Variants in ZNF723 observed in about 807,000 individuals in gnomAD.
ZNF723 encodes the protein zinc finger protein 723, pseudogene.
Under a neutral mutation model 9.4 loss-of-function variants are expected in ZNF723, and 5 were observed. The ratio of observed to expected loss-of-function variants is 0.53; its 90% CI spans 0.28 to 1.12. The LOEUF (loss-of-function observed/expected upper bound fraction) is 1.12. ZNF723 is among the 50% of genes most tolerant of loss of function. ZNF723 has a pLI of 0.10. For synonymous variants in ZNF723, 158 were observed against 168.8 expected (o/e 0.94, Z 0.49); for missense variants, 450 against 501.5 (o/e 0.90, Z 0.98).
chr19:22,847,728 T>C (rs967636578), intron 1 of ZNF723, among the ~76,000 whole-genome samples: 1 of 152,190 alleles, frequency 6.6e-6, no homozygotes, highest in Non-Finnish European at 1.5e-5. Context: ...AAAAGTATCA[T>C]ATATACACTG....
At chr19:22,847,224 C>T (rs972565886) in intron 1 of ZNF723, among the ~76,000 whole-genome samples, 4 of 151,280 alleles carry the variant, frequency 2.6e-5, no homozygotes, top group Non-Finnish European at 4.4e-5. Context: ...TACAGGTGCC[C>T]ACCGCCATGC....
the ZNF723 span, among the ~76,000 whole-genome samples, chr19:22,817,706 T>C: frequency 6.6e-6 from 1 of 152,268 alleles, no homozygotes; most frequent in Admixed American, 6.5e-5. Flanking sequence ...ATAGGTATGA[T>C]TATGATTGAT....
At chr19:22,831,448 C>T (rs398121), upstream of ZNF723, among the ~76,000 whole-genome samples, 56,657 of 151,184 alleles carry the variant, frequency 0.37, 11,111 homozygotes, top group African/African-American at 0.52. Flanking sequence ...TCCAAGCTAC[C>T]CAGGAGGCTG....
chr19:22,813,555 CT>C, the ZNF723 span, among the ~76,000 whole-genome samples: 1 of 151,918 alleles, frequency 6.6e-6, no homozygotes, highest in South Asian at 2.1e-4. Flanking sequence ...TATTTGTTCC[CT>C]GCTCACATGG....
At chr19:22,817,985 C>T in the ZNF723 span, among the ~76,000 whole-genome samples, 26,226 of 152,122 alleles carry the variant, frequency 0.17, 2,642 homozygotes, top group African/African-American at 0.28. Flanking sequence ...GAATCTCACA[C>T]TCAGATGCAG....
chr19:22,836,077 G>A (rs546236198), intron 1 of ZNF723, among the ~76,000 whole-genome samples: 3 of 152,174 alleles, frequency 2.0e-5, no homozygotes, highest in African/African-American at 7.2e-5. Flanking sequence ...CATAAAAATT[G>A]AAGCTTGAGC....
intron 1 of ZNF723, among the ~76,000 whole-genome samples, chr19:22,835,286 C>G (rs1967153005): frequency 6.6e-6 from 1 of 151,968 alleles, no homozygotes; most frequent in South Asian, 2.1e-4. Flanking sequence ...AGGTAATCCA[C>G]CCGCTTCAGC....
At chr19:22,826,712 G>C in the ZNF723 span, among the ~76,000 whole-genome samples, 19 of 152,194 alleles carry the variant, frequency 1.2e-4, no homozygotes, top group African/African-American at 4.1e-4. Flanking sequence ...GGTGATAACT[G>C]TCATACCTGG....
At chr19:22,843,663 T>G (rs1183314652) in intron 1 of ZNF723, among the ~76,000 whole-genome samples, 2 of 152,146 alleles carry the variant, frequency 1.3e-5, no homozygotes, top group Non-Finnish European at 2.9e-5. Context: ...AAATTTGCCT[T>G]TATTTGGGCC....
At chr19:22,821,227 C>A in the ZNF723 span, among the ~76,000 whole-genome samples, 3 of 152,072 alleles carry the variant, frequency 2.0e-5, no homozygotes, top group African/African-American at 7.2e-5. Context: ...TGCTTGCAGG[C>A]GTGATTGTGA....
intron 3 of ZNF723, among the ~76,000 whole-genome samples, chr19:22,853,923 A>G (rs1967433228): frequency 6.6e-6 from 1 of 152,302 alleles, no homozygotes; most frequent in East Asian, 1.9e-4. Flanking sequence ...CATATGAGTT[A>G]TTGAGAAGGG....
chr19:22,826,770 C>T, the ZNF723 span, among the ~76,000 whole-genome samples: 1 of 152,068 alleles, frequency 6.6e-6, no homozygotes, highest in Non-Finnish European at 1.5e-5. Context: ...GCTCTACGAA[C>T]AACAGAAATA....
the ZNF723 span, among the ~76,000 whole-genome samples, chr19:22,826,197 C>A: frequency 6.6e-6 from 1 of 152,178 alleles, no homozygotes; most frequent in Non-Finnish European, 1.5e-5. Context: ...GACTCTCTTG[C>A]CTGGGTCCTG....
At chr19:22,819,247 C>T in the ZNF723 span, among the ~76,000 whole-genome samples, 2 of 152,172 alleles carry the variant, frequency 1.3e-5, no homozygotes, top group African/African-American at 4.8e-5. Context: ...TCTCTGTGTC[C>T]ATCAACAATT....
chr19:22,817,873 A>C, the ZNF723 span, among the ~76,000 whole-genome samples: 25 of 151,946 alleles, frequency 1.6e-4, no homozygotes, highest in African/African-American at 5.8e-4. Context: ...GTGTCATCAC[A>C]GGGCCCAGCA....
rs1367587009 is a variant in ZNF723 at position 22,855,259 on chromosome 19, C to A, written c.227-1859C>A. 2.9e-5 allele frequency among the ~76,000 whole-genome samples: 4 copies of A among 139,332 alleles called. No homozygotes were observed. In the South Asian group the frequency reaches 6.6e-4, roughly 23 times the overall value. The allele number at this position is 139,332 out of a possible 152,430, so 91.4% of individuals were successfully genotyped here. On this transcript the variant is annotated intron_variant, in intron 3 of 3. Transcript: ENST00000600766. ...TTTTTTTTTTTTTGAGATGGAGTCTCTCTCTGTCACCCAGGCTGGAGTACA... is the reference window on the plus strand; with the variant it reads ...TTTTTTTTTTTTTGAGATGGAGTCTATCTCTGTCACCCAGGCTGGAGTACA...
At chr19:22,843,537 A>C (rs2145216420) in intron 1 of ZNF723, among the ~76,000 whole-genome samples, 1 of 152,330 alleles carries the variant, frequency 6.6e-6, no homozygotes. Flanking sequence ...CGATTAGAAA[A>C]ATAGATGAAG....
Position 22,857,503 on chromosome 19 carries a change from A to G in ZNF723, c.612A>G (p.Glu204=), listed in dbSNP as rs1219136103. The G allele has an allele frequency of 8.4e-7, 1 of 1,190,382 alleles. No homozygotes were observed. The highest frequency in any genetic ancestry group is 1.7e-5 in the Admixed American group (1 of 57,756). The allele number at this position is 1,190,382 out of a possible 1,614,324, so 73.7% of individuals were successfully genotyped here. ...CTAGAGTGAATTGTTACAAATGTGAAGAATGTGGCAAAGCCTTTAGTGTGC... is the reference window on the plus strand; with the variant it reads ...CTAGAGTGAATTGTTACAAATGTGAGGAATGTGGCAAAGCCTTTAGTGTGC... The part of the protein sequence containing the change: ...NHTRVNCYKC[E]ECGKAFSVPS... The change falls in exon 4 of 4, where the codon GAA becomes GAG. Residue 204 remains glutamate, a synonymous_variant. Transcript: ENST00000600766.
chr19:22,827,037 G>A, the ZNF723 span, among the ~76,000 whole-genome samples: 2 of 152,246 alleles, frequency 1.3e-5, no homozygotes, highest in East Asian at 1.9e-4. Flanking sequence ...TTCTGAATGG[G>A]CATCATTTGT....
Sources: gnomAD v4.1 joint callset for allele counts (sites outside exome capture counted in the v4.1 genomes callset) on GRCh38, gnomAD v4.1.1 for gene constraint, MANE v1.5 for transcripts, NCBI Gene and HGNC (gene_info 2026-07-23, HGNC 2026-07-21) for gene names.